C5orf34: variants seen among roughly 807,000 people sequenced by gnomAD.
C5orf34 encodes chromosome 5 open reading frame 34.
A neutral mutation model predicts 78.4 loss-of-function variants in C5orf34; 73 were observed. The ratio of observed to expected loss-of-function variants is 0.93; its 90% CI spans 0.77 to 1.13. The LOEUF is 1.13. Ranked by LOEUF, C5orf34 falls within the 50% of genes most tolerant of loss-of-function variation. The pLI, the probability that C5orf34 is intolerant of heterozygous loss-of-function variation, is 0.00. For synonymous variants in C5orf34, 251 were observed against 246.6 expected (o/e 1.02, Z -0.17); for missense variants, 730 against 732.7 (o/e 1.00, Z 0.04).
At chr5:43,505,023 A>G (rs563823877) in intron 4 of C5orf34, among the ~76,000 whole-genome samples, 32 of 152,310 alleles carry the variant, frequency 2.1e-4, no homozygotes, top group Admixed American at 4.6e-4. Context: ...GTTCCTCTAC[A>G]TATAGGGATG....
intron 9 of C5orf34, 40 bp downstream of exon 9, chr5:43,492,680 T>C: frequency 6.6e-7 from 1 of 1,519,514 alleles, no homozygotes; most frequent in Non-Finnish European, 9.0e-7. Flanking sequence ...TTTCCACAGA[T>C]TACCAATAAA....
chr5:43,492,364 AAC>A (rs1426602336), intron 9 of C5orf34, 55 bp from the exon 10 acceptor site: 1 of 1,126,870 alleles, frequency 8.9e-7, no homozygotes, highest in Non-Finnish European at 1.3e-6. Flanking sequence ...AAAGAACATA[AAC>A]AACCTATTCT....
At chr5:43,492,126 A>G in intron 10 of C5orf34, 89 bp downstream of exon 10, 1 of 872,840 alleles carries the variant, frequency 1.1e-6, no homozygotes, top group Admixed American at 2.6e-5. Flanking sequence ...AACTAAAAAT[A>G]TATATAACAC....
At chr5:43,505,652 C>A (rs1405595787) in intron 4 of C5orf34, 96 bp downstream of exon 4, 1 of 1,333,040 alleles carries the variant, frequency 7.5e-7, no homozygotes, top group Admixed American at 2.6e-5. Flanking sequence ...ATGAGATAAA[C>A]TTTCCTTGTG....
At chr5:43,497,653 A>G (rs529508157) in intron 6 of C5orf34, among the ~76,000 whole-genome samples, 1 of 152,308 alleles carries the variant, frequency 6.6e-6, no homozygotes, top group South Asian at 2.1e-4. Context: ...TACCATCCAG[A>G]CTTATCTGAG....
intron 6 of C5orf34, chr5:43,496,495 G>A (rs1353746043): frequency 6.9e-7 from 1 of 1,450,820 alleles, no homozygotes; most frequent in African/African-American, 1.4e-5. Flanking sequence ...CTGTGTTCTG[G>A]TGGCAAACCC....
At chr5:43,499,983 G>C (rs565562399) in intron 6 of C5orf34, among the ~76,000 whole-genome samples, 6 of 152,290 alleles carry the variant, frequency 3.9e-5, no homozygotes, top group African/African-American at 1.4e-4. Flanking sequence ...CTCTAGGCTA[G>C]ATACTGAGAA....
At chr5:43,496,158 G>A (rs1396731279) in intron 6 of C5orf34, 1 of 1,504,808 alleles carries the variant, frequency 6.6e-7, no homozygotes. Context: ...TCATGTTTTT[G>A]ATGAAGTCTC....
At chr5:43,499,839 T>A (rs536702562) in intron 6 of C5orf34, among the ~76,000 whole-genome samples, 1 of 152,308 alleles carries the variant, frequency 6.6e-6, no homozygotes, top group South Asian at 2.1e-4. Context: ...TTCCCATAAT[T>A]TGATAATTAC....
chr5:43,507,947 G>A (rs751046525), intron 3 of C5orf34, among the ~76,000 whole-genome samples: 123 of 152,104 alleles, frequency 8.1e-4, no homozygotes, highest in Non-Finnish European at 7.9e-4. Flanking sequence ...GTGTGGTGGC[G>A]GGTGCCTGTA....
At chr5:43,513,561 G>T (rs1276411122) in intron 1 of C5orf34, among the ~76,000 whole-genome samples, 1 of 152,162 alleles carries the variant, frequency 6.6e-6, no homozygotes, top group Non-Finnish European at 1.5e-5. Context: ...GCCTACAAAG[G>T]CCACACAGTC....
At chr5:43,502,661 A>T (rs1185738352) in intron 5 of C5orf34, among the ~76,000 whole-genome samples, 166 bp from the exon 6 acceptor site, 2 of 152,232 alleles carry the variant, frequency 1.3e-5, no homozygotes, top group African/African-American at 4.8e-5. Flanking sequence ...AACCAGCTAA[A>T]TTAACTCTTT....
chr5:43,508,812 G>T, intron 2 of C5orf34, 146 bp from the exon 3 acceptor site: 2 of 638,954 alleles, frequency 3.1e-6, no homozygotes, highest in Non-Finnish European at 5.5e-6. Flanking sequence ...GAGTAGTTTT[G>T]GCCAGGCACG....
Position 43,486,963 on chromosome 5 carries a change from A to G in C5orf34, c.1869T>C (p.Ser623=), listed in dbSNP as rs1282242521. 5 of 1,564,510 alleles carry G rather than the reference A, an allele frequency of 3.2e-6. No homozygotes were observed. Residue 623 remains serine, a synonymous_variant, in exon 13 of 13, where the codon TCT becomes TCC. Coordinates refer to ENST00000306862, the MANE Select transcript of C5orf34 (RefSeq NM_198566.4). ...GACAGTCAATATCGTGAAGGATTTC[A>G]GAGGTTTTTTTCAATGCTATTGATA... ...NRVSIALKKT[S]EILHDIDCLL...
intron 6 of C5orf34, chr5:43,495,786 C>T (rs769657842): frequency 2.1e-5 from 33 of 1,577,202 alleles, no homozygotes; most frequent in Middle Eastern, 1.9e-4. Context: ...AGCATGGTGC[C>T]GCTGGCACTG....
In C5orf34 at chr5:43,505,779, AC is replaced by A; in HGVS notation, c.900del (p.Ser301HisfsTer31). The A allele has an allele frequency of 6.3e-7, 1 of 1,593,884 alleles. No individual in the cohort carries two copies. On this transcript the variant is annotated frameshift_variant, in exon 4 of 13. Transcript: ENST00000306862. LOFTEE classifies it high-confidence loss of function. The part of the protein sequence containing the change: ...GKVVSVLPRA[L>X]SLSCPVPHLH... ...AGGTGTGGGACTGGACAGCTGAGTG[AC>A]AGGGCCCTGGGAAGAACAGAAACCA...
chr5:43,510,431 CTCTCCCTCTCCCCACGG>C (rs1407002667), intron 1 of C5orf34, among the ~76,000 whole-genome samples: 2 of 152,132 alleles, frequency 1.3e-5, no homozygotes, highest in Non-Finnish European at 2.9e-5. Context: ...GGTTTCCTCC[CTCTCCCTCTCCCCACGG>C]TCTCCCTCTC....
rs1158237489 is a variant in C5orf34 at position 43,506,265 on chromosome 5, A to G, written c.415T>C (p.Ser139Pro). Reference protein sequence around the residue: ...DGHAYLCLPRSQHEFTVHFLC... With the variant: ...DGHAYLCLPRPQHEFTVHFLC... ...AAATGTACTGTAAATTCATGCTGAG[A>G]TCTGGGCAGGCAGAGGTATGCATGA... is the stretch of plus-strand genomic sequence containing the variant. Residue 139 changes from serine to proline, a missense_variant, in exon 4 of 13, where the codon TCT (serine) becomes CCT (proline). Transcript: ENST00000306862. The G allele has an allele frequency of 6.2e-7, 1 of 1,614,182 alleles. No individual in the cohort carries two copies. The highest frequency in any genetic ancestry group is 8.5e-7 in the Non-Finnish European group (1 of 1,180,028).
Position 43,514,896 on chromosome 5 carries a change from G to A in C5orf34, c.-127C>T, listed in dbSNP as rs1348144393. ...AAATGCTCTGGAAGCCGCAGCGTCG[G>A]CGCCTGCCCACCACTGCTTCTTCAG... On this transcript the variant is annotated 5_prime_UTR_variant, in exon 1 of 13. Transcript: ENST00000306862. The A allele has an allele frequency of 1.3e-5, 2 of 152,152 alleles. No homozygotes were observed. The highest frequency in any genetic ancestry group is 4.8e-5 in the African/African-American group (2 of 41,434). The allele number at this position is 152,152 out of a possible 1,614,324, so 9.4% of individuals were successfully genotyped here. A position where few individuals can be genotyped will look rare whatever the true frequency, so the allele number is the denominator to read the frequency against.
Sources: gnomAD v4.1 joint callset for allele counts (sites outside exome capture counted in the v4.1 genomes callset) on GRCh38, gnomAD v4.1.1 for gene constraint, MANE v1.5 for transcripts, NCBI Gene and HGNC (gene_info 2026-07-23, HGNC 2026-07-21) for gene names.